HERC4: variants seen among roughly 807,000 people sequenced by gnomAD.
HERC4 encodes HECT and RLD domain containing E3 ubiquitin protein ligase 4, also known as probable E3 ubiquitin-protein ligase HERC4.
Under a neutral mutation model 124.3 loss-of-function variants are expected in HERC4, and 28 were observed. The observed-to-expected ratio is 0.23, with a 90% CI of 0.17 to 0.31. HERC4 has a LOEUF of 0.31. Ranked by LOEUF, HERC4 falls within the 10% of genes least tolerant of loss-of-function variation. HERC4 has a pLI of 1.00. For missense variants in HERC4, 713 were observed against 1,229.3 expected, an observed-to-expected ratio of 0.58 and a Z score of 6.28; for synonymous variants, 407 against 421.5, an observed-to-expected ratio of 0.97 and a Z score of 0.42.
At chr10:67,996,228 C>T (rs1407261044) in intron 9 of HERC4, 7 of 376,924 alleles carry the variant, frequency 1.9e-5, no homozygotes, top group East Asian at 1.7e-4. Context: ...GCTGTGATCA[C>T]GCCACTGCAA....
At chr10:68,043,439 T>C (rs756964151) in intron 4 of HERC4, among the ~76,000 whole-genome samples, 35 of 152,258 alleles carry the variant, frequency 2.3e-4, no homozygotes, top group Non-Finnish European at 4.1e-4. Context: ...GTTAATGTAT[T>C]ATTTATGTAT....
intron 9 of HERC4, among the ~76,000 whole-genome samples, chr10:67,996,577 T>C (rs2132857426): frequency 6.6e-6 from 1 of 152,328 alleles, no homozygotes; most frequent in South Asian, 2.1e-4. Context: ...TCATTAATAC[T>C]TAACGTATTA....
At chr10:68,025,014 G>A (rs1172661019) in intron 8 of HERC4, among the ~76,000 whole-genome samples, 1 of 151,980 alleles carries the variant, frequency 6.6e-6, no homozygotes, top group East Asian at 1.9e-4. Context: ...CACCCTTTAA[G>A]GAAAAAAGGT....
chr10:68,033,883 C>T, intron 6 of HERC4, 82 bp downstream of exon 6: 1 of 1,157,316 alleles, frequency 8.6e-7, no homozygotes, highest in Non-Finnish European at 1.3e-6. Flanking sequence ...ACATTTCTCT[C>T]TTACACTAAG....
chr10:67,941,713 C>A (rs1198965607), intron 19 of HERC4, among the ~76,000 whole-genome samples: 1 of 122,814 alleles, frequency 8.1e-6, no homozygotes, highest in East Asian at 3.3e-4. Flanking sequence ...AAGTCTCCCT[C>A]TGTCACCCAG....
intron 8 of HERC4, among the ~76,000 whole-genome samples, chr10:68,016,858 G>A (rs2038302815): frequency 6.6e-6 from 1 of 152,154 alleles, no homozygotes; most frequent in Non-Finnish European, 1.5e-5. Context: ...GTATTACAGA[G>A]CTAAGAATAA....
intron 23 of HERC4, among the ~76,000 whole-genome samples, chr10:67,926,933 TC>T (rs2031048524): frequency 6.6e-6 from 1 of 152,212 alleles, no homozygotes; most frequent in African/African-American, 2.4e-5. Context: ...TTTCCTGCCC[TC>T]TCTTCAATCT....
At chr10:67,958,098 T>A (rs2034265370) in intron 16 of HERC4, among the ~76,000 whole-genome samples, 1 of 152,152 alleles carries the variant, frequency 6.6e-6, no homozygotes, top group African/African-American at 2.4e-5. Context: ...TGAGCCACTG[T>A]GCCCAGCCTG....
chr10:68,028,950 C>T (rs2039044775), intron 7 of HERC4, among the ~76,000 whole-genome samples: 1 of 151,824 alleles, frequency 6.6e-6, no homozygotes, highest in South Asian at 2.1e-4. Context: ...GTGGGAGGCT[C>T]GCTTAAAACC....
At chr10:67,928,883 T>C (rs962260345) in intron 23 of HERC4, among the ~76,000 whole-genome samples, 1 of 151,902 alleles carries the variant, frequency 6.6e-6, no homozygotes, top group Non-Finnish European at 1.5e-5. Context: ...ATTGAGCCAC[T>C]GCACTCCAGC....
chr10:68,016,744 G>T (rs2038295458), intron 8 of HERC4, among the ~76,000 whole-genome samples: 1 of 152,118 alleles, frequency 6.6e-6, no homozygotes, highest in African/African-American at 2.4e-5. Context: ...TAAGTCCTTA[G>T]ATCTCACTCA....
intron 24 of HERC4, among the ~76,000 whole-genome samples, 195 bp from the exon 25 acceptor site, chr10:67,923,334 A>G (rs1022233270): frequency 4.6e-5 from 7 of 152,224 alleles, no homozygotes; most frequent in African/African-American, 9.6e-5. Context: ...TTTTTCTTTA[A>G]AAGTATAATC....
At chr10:67,962,384 T>A (rs888337509) in intron 16 of HERC4, among the ~76,000 whole-genome samples, 1 of 152,162 alleles carries the variant, frequency 6.6e-6, no homozygotes, top group African/African-American at 2.4e-5. Flanking sequence ...TAAGTAGATA[T>A]AGATGTTATA....
intron 8 of HERC4, among the ~76,000 whole-genome samples, chr10:68,015,168 A>T (rs2038188936): frequency 6.6e-6 from 1 of 150,664 alleles, no homozygotes. Flanking sequence ...AAGTGGCTTT[A>T]TACACTCTTT....
At chr10:68,040,965 C>T (rs545963227) in intron 4 of HERC4, among the ~76,000 whole-genome samples, 22 of 150,488 alleles carry the variant, frequency 1.5e-4, no homozygotes, top group Non-Finnish European at 2.4e-4. Context: ...AAAATATATA[C>T]ACACACACAC....
In HERC4 at chr10:67,957,016, G is replaced by A. The variant is rs114605118; in HGVS notation, c.1927-40C>T. 1,703 of 1,155,786 alleles carry A rather than the reference G, an allele frequency of 1.5e-3. 23 individuals are homozygous for A. In the African/African-American group the frequency reaches 0.021, roughly 14 times the overall value. The allele number at this position is 1,155,786 out of a possible 1,614,324, so 71.6% of individuals were successfully genotyped here. A position where few individuals can be genotyped will look rare whatever the true frequency, so the allele number is the denominator to read the frequency against. ...TTAACTTATTAGTACAAGTTGATTT[G>A]TGATATACTTACTGTGGATGCTGAC... On this transcript the variant is annotated intron_variant, in intron 16 of 24. Transcript: ENST00000373700.
intron 3 of HERC4, among the ~76,000 whole-genome samples, chr10:68,071,235 C>G (rs975733479): frequency 6.6e-6 from 1 of 152,148 alleles, no homozygotes; most frequent in Admixed American, 6.5e-5. Flanking sequence ...TCAACATGAC[C>G]ACAAAGAAGC....
At chr10:67,946,348 AACACACACACAC>A (rs58692888) in intron 19 of HERC4, among the ~76,000 whole-genome samples, 5,124 of 128,484 alleles carry the variant, frequency 0.04, 152 homozygotes, top group African/African-American at 0.085. Context: ...ATAAAACACA[AACACACACACAC>A]ACACACACAC....
chr10:67,951,763 AC>A (rs2033808908), intron 19 of HERC4, among the ~76,000 whole-genome samples: 1 of 152,148 alleles, frequency 6.6e-6, no homozygotes, highest in South Asian at 2.1e-4. Context: ...CCTCTGAAAC[AC>A]GGGCCAACTG....
Sources: allele counts gnomAD v4.1 joint callset (sites outside exome capture counted in the v4.1 genomes callset), GRCh38; gene constraint gnomAD v4.1.1; transcripts MANE v1.5; gene names NCBI Gene and HGNC (gene_info 2026-07-23, HGNC 2026-07-21).